Variants in CDH12 observed in about 807,000 individuals in gnomAD.
CDH12 encodes the protein cadherin-12.
A neutral mutation model predicts 74.1 loss-of-function variants in CDH12; 41 were observed. That is an observed-to-expected ratio of 0.55 (90% CI 0.43 to 0.72). The LOEUF is 0.72. Among genes scored for constraint, CDH12 ranks in the 30% least tolerant of loss-of-function variants. The pLI, the probability that CDH12 is intolerant of heterozygous loss-of-function variation, is 0.00. For synonymous variants in CDH12, 399 were observed against 355.0 expected (o/e 1.12, Z -1.39); for missense variants, 945 against 977.2 (o/e 0.97, Z 0.44).
At chr5:22,168,912 T>G (rs2150326139) in intron 4 of CDH12, among the ~76,000 whole-genome samples, 1 of 149,166 alleles carries the variant, frequency 6.7e-6, no homozygotes, top group East Asian at 2.0e-4. Context: ...TGACCTCCCC[T>G]TGACAATAAC....
chr5:22,307,873 G>GCTTT (rs1554030097), intron 3 of CDH12, among the ~76,000 whole-genome samples: 1 of 68,658 alleles, frequency 1.5e-5, no homozygotes, highest in Non-Finnish European at 2.4e-5. Context: ...CTTTCTTTTA[G>GCTTT]TTTTTTTTTT....
intron 6 of CDH12, among the ~76,000 whole-genome samples, chr5:21,916,281 AG>A (rs1423679364): frequency 6.6e-6 from 1 of 152,178 alleles, no homozygotes; most frequent in African/African-American, 2.4e-5. Context: ...TTAGTGTTAT[AG>A]TATCTGGTAA....
chr5:22,780,610 C>A (rs1268356342), intron 1 of CDH12, among the ~76,000 whole-genome samples: 1 of 152,070 alleles, frequency 6.6e-6, no homozygotes, highest in Admixed American at 6.6e-5. Context: ...ATGGGGATAA[C>A]TGCCCCCATG....
At chr5:22,019,462 G>A (rs1580121471) in intron 5 of CDH12, among the ~76,000 whole-genome samples, 1 of 152,110 alleles carries the variant, frequency 6.6e-6, no homozygotes, top group East Asian at 1.9e-4. Context: ...TTATTACAAG[G>A]TGGGGCTCTG....
Position 22,061,065 on chromosome 5 carries a change from T to C in CDH12, c.231+17381A>G, listed in dbSNP as rs1356695517. Reference sequence around the variant, plus strand: ...CATTCATGAAATTGTGGAAGACAAATAGTTCTTGACATTGACATAAAACAA... The same window carrying C: ...CATTCATGAAATTGTGGAAGACAAACAGTTCTTGACATTGACATAAAACAA... On this transcript the variant is annotated intron_variant, in intron 5 of 14. Transcript: ENST00000382254. Among the ~76,000 whole-genome samples the C allele has an allele frequency of 4.6e-5, 7 of 152,184 alleles. No individual in the cohort carries two copies. In the East Asian group the frequency reaches 1.3e-3, roughly 29 times the overall value.
intron 3 of CDH12, among the ~76,000 whole-genome samples, chr5:22,317,690 G>A (rs1025249701): frequency 6.6e-6 from 1 of 152,098 alleles, no homozygotes; most frequent in Non-Finnish European, 1.5e-5. Context: ...GAAATTCAAA[G>A]CATAATATCC....
intron 3 of CDH12, among the ~76,000 whole-genome samples, chr5:22,376,826 T>C (rs1164231892): frequency 6.6e-6 from 1 of 151,934 alleles, no homozygotes; most frequent in African/African-American, 2.4e-5. Context: ...CCTAGTCACA[T>C]TCTATTATTG....
At chr5:21,951,906 A>G (rs1755879184) in intron 6 of CDH12, among the ~76,000 whole-genome samples, 1 of 152,144 alleles carries the variant, frequency 6.6e-6, no homozygotes, top group Admixed American at 6.6e-5. Flanking sequence ...CTTCATTCAG[A>G]CTTGAAAAGC....
chr5:22,609,728 A>C (rs970575345), intron 1 of CDH12, among the ~76,000 whole-genome samples: 3 of 152,210 alleles, frequency 2.0e-5, no homozygotes, highest in African/African-American at 7.2e-5. Context: ...ATAGCTAATT[A>C]CTTCAACTCT....
intron 6 of CDH12, among the ~76,000 whole-genome samples, chr5:21,967,148 C>T (rs1158078275): frequency 2.0e-5 from 3 of 152,042 alleles, no homozygotes; most frequent in Non-Finnish European, 4.4e-5. Flanking sequence ...ACACAGCTGA[C>T]ATCTATATGA....
intron 1 of CDH12, among the ~76,000 whole-genome samples, chr5:22,648,384 G>A (rs995463700): frequency 1.5e-4 from 22 of 151,656 alleles, no homozygotes; most frequent in African/African-American, 5.3e-4. Context: ...ATAATTCTTT[G>A]CCAACTGCTT....
chr5:21,854,670 C>T lies in CDH12; in HGVS notation c.646+1G>A, dbSNP rs760430319. On this transcript the variant is annotated splice_donor_variant, in intron 7 of 14. Transcript: ENST00000382254. LOFTEE classifies it high-confidence loss of function. ...AATGTTGCCTCTAATAAAAAATTTACCTGTCTTGGGATCAATAGAGAAATA... is the reference window on the plus strand; with the variant it reads ...AATGTTGCCTCTAATAAAAAATTTATCTGTCTTGGGATCAATAGAGAAATA... The T allele has an allele frequency of 1.9e-6, 3 of 1,594,100 alleles. No individual in the cohort carries two copies. Among genetic ancestry groups the T allele is most frequent in the Admixed American group, 3.6e-5 (2 of 56,286 alleles).
chr5:22,126,913 T>C (rs928861340), intron 4 of CDH12, among the ~76,000 whole-genome samples: 4 of 152,212 alleles, frequency 2.6e-5, no homozygotes, highest in Non-Finnish European at 2.9e-5. Context: ...ATGTTCCCCA[T>C]ACATTTATTC....
chr5:21,884,278 G>A lies in CDH12; in HGVS notation c.527-29488C>T, dbSNP rs1166783419. On this transcript the variant is annotated intron_variant, in intron 6 of 14. Coordinates refer to ENST00000382254, the MANE Select transcript of CDH12 (RefSeq NM_004061.5). ...GACCCTGGAATGGGTGCAATGGGTG[G>A]AATGGGAGGTGGTATGGGAGGTGGC... 10 of 1,464,048 alleles carry A rather than the reference G, an allele frequency of 6.8e-6. No individual in the cohort carries two copies. The East Asian group carries it at 2.3e-4, about 33-fold the overall frequency. 90.7% of individuals were successfully genotyped at this position (1,464,048 alleles called of 1,614,324 possible).
intron 3 of CDH12, among the ~76,000 whole-genome samples, chr5:22,239,570 T>G (rs1752676868): frequency 6.6e-6 from 1 of 152,158 alleles, no homozygotes; most frequent in Admixed American, 6.6e-5. Flanking sequence ...TAGTGAGATG[T>G]AACACTAAAT....
chr5:22,150,998 A>T (rs985059595), intron 4 of CDH12, among the ~76,000 whole-genome samples: 19 of 152,322 alleles, frequency 1.2e-4, no homozygotes, highest in African/African-American at 4.3e-4. Flanking sequence ...GGATAAAAAG[A>T]ATTGTTTAGT....
chr5:22,516,719 C>T (rs561393106), intron 1 of CDH12, among the ~76,000 whole-genome samples: 55 of 152,130 alleles, frequency 3.6e-4, no homozygotes, highest in Middle Eastern at 3.4e-3. Context: ...GACTTGAGCC[C>T]GGGAAGTTGA....
At chr5:21,806,483 C>G (rs774810306) in intron 9 of CDH12, among the ~76,000 whole-genome samples, 136 of 152,268 alleles carry the variant, frequency 8.9e-4, no homozygotes, top group Non-Finnish European at 1.4e-3. Context: ...TTTCTTGCCA[C>G]TAAACGTGAT....
chr5:21,900,394 A>G (rs568083862), intron 6 of CDH12, among the ~76,000 whole-genome samples: 1 of 152,346 alleles, frequency 6.6e-6, no homozygotes, highest in East Asian at 1.9e-4. Context: ...TCTATATATG[A>G]CAGGTATGTA....
Sources: allele counts gnomAD v4.1 joint callset (sites outside exome capture counted in the v4.1 genomes callset), GRCh38; gene constraint gnomAD v4.1.1; transcripts MANE v1.5; gene names NCBI Gene and HGNC (gene_info 2026-07-23, HGNC 2026-07-21).